Variants in FOXO3 observed in about 807,000 individuals in gnomAD.
FOXO3 encodes forkhead box protein O3.
Under a neutral mutation model 41.9 loss-of-function variants are expected in FOXO3, and 4 were observed. That is an observed-to-expected ratio of 0.10 (90% confidence interval 0.05 to 0.22). The LOEUF (loss-of-function observed/expected upper bound fraction) is 0.22, where lower values mean the gene tolerates loss of function less well. Among genes scored for constraint, FOXO3 ranks in the 10% least tolerant of loss-of-function variants. FOXO3 has a pLI of 1.00. For synonymous variants in FOXO3, 318 were observed against 389.3 expected (o/e 0.82, Z 2.16); for missense variants, 534 against 906.8 (o/e 0.59, Z 5.28).
At chr6:108,601,096 C>T (rs1252573090) in intron 1 of FOXO3, among the ~76,000 whole-genome samples, 1 of 152,092 alleles carries the variant, frequency 6.6e-6, no homozygotes, top group African/African-American at 2.4e-5. Flanking sequence ...CAAGCTCCGC[C>T]TCTGGGGTTC....
At chr6:108,576,992 G>A (rs1776280780) in intron 1 of FOXO3, among the ~76,000 whole-genome samples, 1 of 152,134 alleles carries the variant, frequency 6.6e-6, no homozygotes, top group South Asian at 2.1e-4. Context: ...CCATTTGTCA[G>A]TGTGGTTACT....
At chr6:108,594,909 T>C (rs1046940344) in intron 1 of FOXO3, among the ~76,000 whole-genome samples, 17 of 152,368 alleles carry the variant, frequency 1.1e-4, no homozygotes, top group African/African-American at 4.1e-4. Context: ...CAGCTCTCCC[T>C]TCCTTTATGT....
intron 2 of FOXO3, among the ~76,000 whole-genome samples, chr6:108,674,174 T>C (rs1770475448): frequency 6.6e-6 from 1 of 152,198 alleles, no homozygotes; most frequent in South Asian, 2.1e-4. Context: ...CACCAGGCAG[T>C]AGGTTCTGCC....
intron 1 of FOXO3, among the ~76,000 whole-genome samples, chr6:108,568,703 A>T (rs1208431465): frequency 6.6e-6 from 1 of 152,110 alleles, no homozygotes; most frequent in Non-Finnish European, 1.5e-5. Flanking sequence ...AGCTGGTGTC[A>T]TGAGTGGAGT....
intron 1 of FOXO3, among the ~76,000 whole-genome samples, chr6:108,644,970 G>C (rs1288797901): frequency 6.6e-6 from 1 of 152,108 alleles, no homozygotes; most frequent in Non-Finnish European, 1.5e-5. Context: ...ATGTCTGTCT[G>C]TTCACTCACA....
chr6:108,619,476 A>G (rs932610936), intron 1 of FOXO3, among the ~76,000 whole-genome samples: 6 of 152,260 alleles, frequency 3.9e-5, no homozygotes, highest in African/African-American at 1.4e-4. Context: ...AACAAATGAA[A>G]TAAAAATAGT....
At chr6:108,655,028 A>G (rs906960776) in intron 1 of FOXO3, among the ~76,000 whole-genome samples, 3 of 152,248 alleles carry the variant, frequency 2.0e-5, no homozygotes, top group African/African-American at 7.2e-5. Context: ...GTAGGCAGCT[A>G]AAAACTAGAT....
intron 1 of FOXO3, among the ~76,000 whole-genome samples, chr6:108,619,458 A>G (rs899723432): frequency 1.3e-5 from 2 of 152,250 alleles, no homozygotes; most frequent in African/African-American, 4.8e-5. Context: ...AACAGTTGGA[A>G]TATGCCAAAC....
rs1353573290 is a variant in FOXO3, at chr6:108,631,595, T to C, written c.622-31860T>C. 1.3e-5 allele frequency among the ~76,000 whole-genome samples: 2 copies of C among 152,150 alleles called. 1 individual carries two copies. The highest frequency in any genetic ancestry group is 2.9e-5 in the Non-Finnish European group (2 of 68,024). ...CTTTGAAAACACATTGGTTTTTTTT[T>C]CTCTCTTGACATTTTTCCCCCCTTT... On this transcript the variant is annotated intron_variant, in intron 1 of 2. Transcript: ENST00000406360.
intron 1 of FOXO3, among the ~76,000 whole-genome samples, chr6:108,628,984 C>G (rs1012419055): frequency 1.3e-5 from 2 of 152,060 alleles, no homozygotes; most frequent in East Asian, 3.9e-4. Flanking sequence ...TCTGACAGAC[C>G]TGGGCTCTAG....
intron 2 of FOXO3, among the ~76,000 whole-genome samples, chr6:108,668,968 C>T (rs1426572871): frequency 3.9e-5 from 6 of 151,958 alleles, no homozygotes; most frequent in Non-Finnish European, 2.9e-5. Flanking sequence ...AAAAATTAGC[C>T]GGGCGTGGTG....
Position 108,570,711 on chromosome 6 carries a change from A to G in FOXO3, c.621+8882A>G, listed in dbSNP as rs188696157. 6.7e-3 allele frequency among the ~76,000 whole-genome samples: 1,028 copies of G among 152,356 alleles called. 8 individuals are homozygous for G. The highest frequency in any genetic ancestry group is 0.011 in the Non-Finnish European group (767 of 68,036). ...AATTTACTTTAAATTCAGAGCCAGC[A>G]GAGGGAGTACACAAGTCTTTAAGCT... On this transcript the variant is annotated intron_variant, in intron 1 of 2. Coordinates refer to ENST00000406360, the MANE Select transcript of FOXO3 (RefSeq NM_001455.4).
upstream of FOXO3, among the ~76,000 whole-genome samples, chr6:108,560,303 A>C (rs1443844175): frequency 6.6e-6 from 1 of 152,054 alleles, no homozygotes; most frequent in East Asian, 1.9e-4. Context: ...CCTCCCCCGG[A>C]TCCCGACTGG....
chr6:108,592,716 C>T (rs190249743), intron 1 of FOXO3, among the ~76,000 whole-genome samples: 3 of 152,194 alleles, frequency 2.0e-5, no homozygotes, highest in African/African-American at 7.2e-5. Context: ...AGCTTCTGTG[C>T]GAATACTGAA....
At chr6:108,606,736 A>C (rs1474951520) in intron 1 of FOXO3, among the ~76,000 whole-genome samples, 1 of 152,190 alleles carries the variant, frequency 6.6e-6, no homozygotes, top group Non-Finnish European at 1.5e-5. Context: ...TCAATAGTTA[A>C]AATGTATATT....
chr6:108,647,715 G>A (rs1778431319), intron 1 of FOXO3, among the ~76,000 whole-genome samples: 1 of 152,114 alleles, frequency 6.6e-6, no homozygotes, highest in Non-Finnish European at 1.5e-5. Context: ...AATTGAAATA[G>A]GTTATCCAAG....
chr6:108,669,732 GT>G (rs1554219712), intron 2 of FOXO3, among the ~76,000 whole-genome samples: 1 of 152,150 alleles, frequency 6.6e-6, no homozygotes, highest in Non-Finnish European at 1.5e-5. Context: ...TACATACGCT[GT>G]TTTTTCCTGG....
In FOXO3 at chr6:108,663,498, G is replaced by A; in HGVS notation, c.665G>A (p.Arg222Gln). ...HNLSLHSRFM[R>Q]VQNEGTGKSS... The stretch of plus-strand genomic sequence containing the variant: ...CTGTCACTGCATAGTCGATTCATGC[G>A]GGTCCAGAATGAGGGAACTGGCAAG... The change falls in exon 2 of 3, where the codon CGG (arginine) becomes CAG (glutamine). Residue 222 changes from arginine (R) to glutamine (Q), a missense_variant. Arg to Gln is a conservative substitution (Grantham distance 43). Coordinates refer to ENST00000406360, the MANE Select transcript of FOXO3 (RefSeq NM_001455.4). The A allele has an allele frequency of 6.2e-7, 1 of 1,608,574 alleles. No homozygotes were observed. Among genetic ancestry groups the A allele is most frequent in the Non-Finnish European group, 8.5e-7 (1 of 1,177,330 alleles).
chr6:108,669,800 A>G (rs1201378816), intron 2 of FOXO3, among the ~76,000 whole-genome samples: 2 of 152,182 alleles, frequency 1.3e-5, no homozygotes, highest in Non-Finnish European at 1.5e-5. Context: ...GTTTTATAAA[A>G]TGCACCTGTT....
Sources: allele counts gnomAD v4.1 joint callset (sites outside exome capture counted in the v4.1 genomes callset), GRCh38; gene constraint gnomAD v4.1.1; transcripts MANE v1.5; gene names NCBI Gene and HGNC (gene_info 2026-07-23, HGNC 2026-07-21).